ZNF30: variants seen among roughly 807,000 people sequenced by gnomAD.
ZNF30 encodes zinc finger protein 30.
A neutral mutation model predicts 13.2 loss-of-function variants in ZNF30; 15 were observed. That is an observed-to-expected ratio of 1.13 (90% CI 0.76 to 1.75). ZNF30 has a LOEUF of 1.75. Among genes scored for constraint, ZNF30 ranks in the 40% most tolerant of loss-of-function variants. The pLI, the probability that ZNF30 is intolerant of heterozygous loss-of-function variation, is 0.00. For synonymous variants in ZNF30, 223 were observed against 256.6 expected (o/e 0.87, Z 1.25); for missense variants, 726 against 757.0 (o/e 0.96, Z 0.48).
At chr19:34,928,220 A>AT (rs1555778255) in intron 1 of ZNF30, among the ~76,000 whole-genome samples, 96 of 73,332 alleles carry the variant, frequency 1.3e-3, no homozygotes, top group African/African-American at 4.4e-3. Context: ...AAAAAAAAAA[A>AT]ATATATATAT....
rs769989371 is a variant in ZNF30 at position 34,943,893 on chromosome 19, T to G, written c.927T>G (p.Ile309Met). 6.2e-7 allele frequency: 1 copy of G among 1,614,062 alleles called. No individual in the cohort carries two copies. Among genetic ancestry groups the G allele is most frequent in the South Asian group, 1.1e-5 (1 of 91,088 alleles). ...TSSPLAKHQR[I>M]HTGEKPYECK... ...CACCCCTTGCTAAGCATCAGAGAAT[T>G]CATACTGGCGAGAAACCCTATGAAT... The change falls in exon 5 of 5, where the codon ATT (isoleucine) becomes ATG (methionine). Residue 309 changes from isoleucine to methionine, a missense_variant. Coordinates refer to ENST00000601142, the MANE Select transcript of ZNF30 (RefSeq NM_194325.3).
At chr19:34,925,215 G>A (rs998067534), upstream of ZNF30, among the ~76,000 whole-genome samples, 2 of 152,186 alleles carry the variant, frequency 1.3e-5, no homozygotes, top group Non-Finnish European at 2.9e-5. Context: ...GTCCGCAGGC[G>A]GCTTATGTTA....
Position 34,944,793 on chromosome 19 carries a change from A to G in ZNF30, c.1827A>G (p.Ser609=). ...GTGGGAAGACCTTTAGATACAGTTC[A>G]GCCCTTAAAGTGCATCTGAGAAAAC... ...KKCGKTFRYS[S]ALKVHLRKHM... is the part of the protein sequence containing the mutation. The change falls in exon 5 of 5, where the codon TCA becomes TCG. Residue 609 remains serine (S), a synonymous_variant. Coordinates refer to ENST00000601142, the MANE Select transcript of ZNF30 (RefSeq NM_194325.3). The G allele has an allele frequency of 1.9e-6, 3 of 1,610,438 alleles. No homozygotes were observed. Among genetic ancestry groups the G allele is most frequent in the Non-Finnish European group, 1.7e-6 (2 of 1,177,236 alleles).
intron 4 of ZNF30, among the ~76,000 whole-genome samples, chr19:34,940,225 T>A (rs1482244998): frequency 6.6e-6 from 1 of 152,210 alleles, no homozygotes; most frequent in Non-Finnish European, 1.5e-5. Context: ...TTCGTTGATT[T>A]CTGTTCTCAG....
chr19:34,933,009 G>A (rs1253633679), intron 3 of ZNF30, among the ~76,000 whole-genome samples: 1 of 151,628 alleles, frequency 6.6e-6, no homozygotes, highest in Non-Finnish European at 1.5e-5. Flanking sequence ...TCGAACTCCT[G>A]ACCTCAAGTA....
intron 1 of ZNF30, among the ~76,000 whole-genome samples, chr19:34,928,220 A>AAAATATATATATAT (rs1555778254): frequency 3.7e-4 from 27 of 73,342 alleles, no homozygotes; most frequent in Non-Finnish European, 5.6e-4. Context: ...AAAAAAAAAA[A>AAAATATATATATAT]ATATATATAT....
chr19:34,943,250 G>A lies in ZNF30; in HGVS notation c.284G>A (p.Gly95Asp). 1 of 1,598,538 alleles carries A rather than the reference G, an allele frequency of 6.3e-7. No individual in the cohort carries two copies. The highest frequency in any genetic ancestry group is 1.1e-5 in the South Asian group (1 of 87,176). Residue 95 changes from glycine to aspartate, a missense_variant, in exon 5 of 5, where the codon GGC becomes GAC. Transcript: ENST00000601142. Reference protein sequence around the residue: ...TDLQLEDDTIGCKEMPTSENC... With the variant: ...TDLQLEDDTIDCKEMPTSENC... ...TTGCAGTTGGAAGATGATACAATCG[G>A]CTGTAAAGAAATGCCCACCTCTGAA...
At chr19:34,928,842 C>A (rs1268062507) in intron 1 of ZNF30, among the ~76,000 whole-genome samples, 1 of 152,088 alleles carries the variant, frequency 6.6e-6, no homozygotes, top group Admixed American at 6.6e-5. Context: ...AAATAAAAAT[C>A]TCTTATGGTG....
rs773712631 is a variant in ZNF30 at position 34,943,928 on chromosome 19, G to A, written c.962G>A (p.Cys321Tyr). 4.3e-6 allele frequency: 7 copies of A among 1,614,004 alleles called. No individual in the cohort carries two copies. In the South Asian group the frequency reaches 6.6e-5, roughly 15 times the overall value. ...GAGAAACCCTATGAATGTAAGGAGT[G>A]TGGGAAGTCCTTCACTGTGTATGGA... is the stretch of plus-strand genomic sequence containing the variant. ...TGEKPYECKE[C>Y]GKSFTVYGQL... Residue 321 changes from cysteine (C) to tyrosine (Y), a missense_variant, in exon 5 of 5, where the codon TGT (cysteine) becomes TAT (tyrosine). Coordinates refer to ENST00000601142, the MANE Select transcript of ZNF30 (RefSeq NM_194325.3).
chr19:34,943,222 G>T lies in ZNF30; in HGVS notation c.257-1G>T, dbSNP rs766200820. ...AAGATATTTTTAAAATTTTCTTTCA[G>T]ATTTGCAGTTGGAAGATGATACAAT... On this transcript the variant is annotated splice_acceptor_variant, in intron 4 of 4. Transcript: ENST00000601142. LOFTEE classifies it high-confidence loss of function. 8.8e-6 allele frequency: 13 copies of T among 1,471,996 alleles called. No individual in the cohort carries two copies. The African/African-American group carries it at 1.1e-4, about 13-fold the overall frequency. 91.2% of individuals were successfully genotyped at this position (1,471,996 alleles called of 1,614,324 possible). A position where few individuals can be genotyped will look rare whatever the true frequency, so the allele number is the denominator to read the frequency against.
chr19:34,928,221 ATATATATAT>A lies in ZNF30; in HGVS notation c.-65+1006_-65+1014del, dbSNP rs1266036787. On this transcript the variant is annotated intron_variant, in intron 1 of 4. Coordinates refer to ENST00000601142, the MANE Select transcript of ZNF30 (RefSeq NM_194325.3). ...AGATCCCTTCTCTAAAAAAAAAAAAATATATATATATATATATATATATATATATATATA... is the reference window on the plus strand; with the variant it reads ...AGATCCCTTCTCTAAAAAAAAAAAAAATATATATATATATATATATATATA... Among the ~76,000 whole-genome samples, 15 of 66,642 alleles carry A rather than the reference ATATATATAT, an allele frequency of 2.3e-4. No individual in the cohort carries two copies. In the East Asian group the frequency reaches 4.2e-3, roughly 19 times the overall value. 43.7% of individuals were successfully genotyped at this position (66,642 alleles called of 152,430 possible). A position where few individuals can be genotyped will look rare whatever the true frequency, so the allele number is the denominator to read the frequency against.
chr19:34,934,693 C>T (rs2012628626), intron 4 of ZNF30, among the ~76,000 whole-genome samples: 1 of 152,182 alleles, frequency 6.6e-6, no homozygotes, highest in South Asian at 2.1e-4. Flanking sequence ...AAATGTACAG[C>T]TTGATGAGTT....
rs780696343 is a variant in ZNF30, at chr19:34,944,970, A to G, written c.*132A>G. ...CTATTCTCATCTTATAATTCATAAT[A>G]TAACTCAGAAAACATAAGAATATTC... On this transcript the variant is annotated 3_prime_UTR_variant, in exon 5 of 5. Transcript: ENST00000601142. 2 of 828,372 alleles carry G rather than the reference A, an allele frequency of 2.4e-6. No individual in the cohort carries two copies. The highest frequency in any genetic ancestry group is 3.5e-6 in the Non-Finnish European group (2 of 566,156). The allele number at this position is 828,372 out of a possible 1,614,324, so 51.3% of individuals were successfully genotyped here.
At chr19:34,927,650 AAGATGAC>A (rs756030617) in intron 1 of ZNF30, among the ~76,000 whole-genome samples, 193 of 152,352 alleles carry the variant, frequency 1.3e-3, no homozygotes, top group Middle Eastern at 0.01. Flanking sequence ...AAAGGAGAGC[AAGATGAC>A]AGCTGTAAAC....
At position 34,943,408 on chromosome 19, in the gene ZNF30, A is replaced by C; in HGVS notation, c.442A>C (p.Asn148His). 6.2e-7 allele frequency: 1 copy of C among 1,613,964 alleles called. No homozygotes were observed. Reference sequence around the variant, plus strand: ...AAGAATACATAGTAGTGAAAAACCCAACAGATGTAAAGAATGTGGGAAGAA... The same window carrying C: ...AAGAATACATAGTAGTGAAAAACCCCACAGATGTAAAGAATGTGGGAAGAA... ...HERIHSSEKP[N>H]RCKECGKNFS... Residue 148 changes from asparagine (N) to histidine (H), a missense_variant, in exon 5 of 5, where the codon AAC (asparagine) becomes CAC (histidine). By Grantham distance (68) the Asn-to-His change is moderately conservative (BLOSUM62 1). Transcript: ENST00000601142.
intron 4 of ZNF30, among the ~76,000 whole-genome samples, chr19:34,941,733 C>T (rs1455721379): frequency 6.6e-6 from 1 of 152,180 alleles, no homozygotes; most frequent in East Asian, 1.9e-4. Flanking sequence ...ATATCTAATC[C>T]AGTTTTGCAG....
Position 34,944,401 on chromosome 19 carries a change from A to T in ZNF30, c.1435A>T (p.Thr479Ser). 1 of 1,614,140 alleles carries T rather than the reference A, an allele frequency of 6.2e-7. No homozygotes were observed. Among genetic ancestry groups the T allele is most frequent in the Non-Finnish European group, 8.5e-7 (1 of 1,180,000 alleles). ...TCTCACACAGCATCGGAAAATTCAT[A>T]CTGATGTAAAGCCCTATGAATGTAA... is the stretch of plus-strand genomic sequence containing the variant. Reference protein sequence around the residue: ...VHLTQHRKIHTDVKPYECKEC... With the variant: ...VHLTQHRKIHSDVKPYECKEC... The change falls in exon 5 of 5, where the codon ACT becomes TCT. Residue 479 changes from threonine (T) to serine (S), a missense_variant. Physicochemically the swap from Thr to Ser is moderately conservative, Grantham distance 58. Transcript: ENST00000601142.
rs1443555071 is a variant in ZNF30, at chr19:34,944,287, C to T, written c.1321C>T (p.His441Tyr). 1.2e-6 allele frequency: 2 copies of T among 1,612,078 alleles called. No individual in the cohort carries two copies. Among genetic ancestry groups the T allele is most frequent in the South Asian group, 1.1e-5 (1 of 90,976 alleles). Residue 441 changes from histidine (H) to tyrosine (Y), a missense_variant, in exon 5 of 5, where the codon CAT (histidine) becomes TAT (tyrosine). His to Tyr is a moderately conservative substitution (Grantham distance 83, BLOSUM62 2). Coordinates refer to ENST00000601142, the MANE Select transcript of ZNF30 (RefSeq NM_194325.3). ...KECGKAFISRHQLTVHQRVHT... is the reference protein window; with the variant it reads ...KECGKAFISRYQLTVHQRVHT... Reference sequence around the variant, plus strand: ...ATGTGGCAAAGCCTTTATTAGTCGCCATCAGCTTACCGTACATCAAAGGGT... The same window carrying T: ...ATGTGGCAAAGCCTTTATTAGTCGCTATCAGCTTACCGTACATCAAAGGGT...
chr19:34,936,853 A>T (rs1255200082), intron 4 of ZNF30, among the ~76,000 whole-genome samples: 1 of 152,062 alleles, frequency 6.6e-6, no homozygotes, highest in Non-Finnish European at 1.5e-5. Context: ...CTATGATCGC[A>T]CCACTGCACT....
Sources: gnomAD v4.1 joint callset for allele counts (sites outside exome capture counted in the v4.1 genomes callset) on GRCh38, gnomAD v4.1.1 for gene constraint, MANE v1.5 for transcripts, NCBI Gene and HGNC (gene_info 2026-07-23, HGNC 2026-07-21) for gene names.